IWS1: variants seen among roughly 807,000 people sequenced by gnomAD.
IWS1 encodes the protein interacts with SUPT6H, CTD assembly factor 1.
Under a neutral mutation model 86.7 loss-of-function variants are expected in IWS1, and 27 were observed. That is an observed-to-expected ratio of 0.31 (90% confidence interval 0.23 to 0.43). The LOEUF (loss-of-function observed/expected upper bound fraction) is 0.43, where lower values mean the gene tolerates loss of function less well. IWS1 is among the 20% of genes least tolerant of loss of function. The pLI is 1.00. For synonymous variants in IWS1, 313 were observed against 335.1 expected, an observed-to-expected ratio of 0.93 and a Z score of 0.72; for missense variants, 827 against 1,000.8, an observed-to-expected ratio of 0.83 and a Z score of 2.34.
At chr2:127,504,328 A>G (rs1302892437) in intron 3 of IWS1, among the ~76,000 whole-genome samples, 1 of 152,212 alleles carries the variant, frequency 6.6e-6, no homozygotes, top group East Asian at 1.9e-4. Flanking sequence ...CTAAGTGTCA[A>G]AGAGACCCAC....
intron 12 of IWS1, among the ~76,000 whole-genome samples, chr2:127,487,275 T>C (rs970181130): frequency 1.3e-5 from 2 of 152,214 alleles, no homozygotes; most frequent in African/African-American, 2.4e-5. Flanking sequence ...ACCAGGATAC[T>C]GATGTTGATA....
intron 2 of IWS1, among the ~76,000 whole-genome samples, chr2:127,522,836 TTATG>T (rs2104747470): frequency 6.6e-6 from 1 of 152,346 alleles, no homozygotes; most frequent in Non-Finnish European, 1.5e-5. Context: ...TCTGAAATAT[TTATG>T]TATTAGAGCA....
chr2:127,522,777 A>T (rs916186540), intron 2 of IWS1, among the ~76,000 whole-genome samples: 5 of 152,248 alleles, frequency 3.3e-5, no homozygotes, highest in African/African-American at 1.2e-4. Flanking sequence ...AAATTTCCCA[A>T]TTTTATCTTG....
At chr2:127,514,026 C>T (rs1033870670) in intron 2 of IWS1, among the ~76,000 whole-genome samples, 5 of 152,180 alleles carry the variant, frequency 3.3e-5, no homozygotes, top group Admixed American at 2.0e-4. Flanking sequence ...GGAATGAGAA[C>T]CTTTATTCCC....
At position 127,493,193 on chromosome 2, in the gene IWS1, T is replaced by C. The variant is rs953568828; in HGVS notation, c.1929+88A>G. 5 of 1,209,376 alleles carry C rather than the reference T, an allele frequency of 4.1e-6. No homozygotes were observed. The Admixed American group carries it at 1.1e-4, about 28-fold the overall frequency. The allele number at this position is 1,209,376 out of a possible 1,614,324, so 74.9% of individuals were successfully genotyped here. A position where few individuals can be genotyped will look rare whatever the true frequency, so the allele number is the denominator to read the frequency against. ...CTGGCAGGCTGTAGCAGAGATAACATATAAAAACACTGTAAACTACACAGG... is the reference window on the plus strand; with the variant it reads ...CTGGCAGGCTGTAGCAGAGATAACACATAAAAACACTGTAAACTACACAGG... On this transcript the variant is annotated intron_variant, in intron 9 of 13. Transcript: ENST00000295321.
chr2:127,491,395 C>T (rs1690218168), intron 10 of IWS1, among the ~76,000 whole-genome samples: 1 of 152,154 alleles, frequency 6.6e-6, no homozygotes, highest in Admixed American at 6.5e-5. Context: ...TAACCCCTCT[C>T]TTTCTCCATG....
chr2:127,520,464 G>A (rs1325641153), intron 2 of IWS1, among the ~76,000 whole-genome samples: 1 of 152,226 alleles, frequency 6.6e-6, no homozygotes, highest in Non-Finnish European at 1.5e-5. Context: ...ACCACGCCCG[G>A]CCTTTGCACT....
At chr2:127,496,282 C>T (rs1313984119) in intron 6 of IWS1, 134 bp from the exon 7 acceptor site, 2 of 935,578 alleles carry the variant, frequency 2.1e-6, no homozygotes, top group East Asian at 2.7e-5. Flanking sequence ...AGTGCAAATA[C>T]AGTCATGCGC....
Position 127,519,057 on chromosome 2 carries a change from T to G in IWS1, c.150+4619A>C, listed in dbSNP as rs531579848. On this transcript the variant is annotated intron_variant, in intron 2 of 13. Transcript: ENST00000295321. ...TTTTGATATTTTGTTCATTTTTTTT[T>G]GCATTCATTTTGAGTTTTAAAATAT... Among the ~76,000 whole-genome samples the G allele has an allele frequency of 2.0e-5, 3 of 152,308 alleles. No individual in the cohort carries two copies. The South Asian group carries it at 6.2e-4, about 32-fold the overall frequency.
chr2:127,519,884 T>C (rs963014576), intron 2 of IWS1, among the ~76,000 whole-genome samples: 2 of 152,188 alleles, frequency 1.3e-5, no homozygotes, highest in South Asian at 2.1e-4. Context: ...GAAGATGCTA[T>C]GCTGCTGGTT....
At position 127,508,885 on chromosome 2, in the gene IWS1, C is replaced by T. The variant is rs774564558; in HGVS notation, c.151-3133G>A. On this transcript the variant is annotated intron_variant, in intron 2 of 13. Transcript: ENST00000295321. ...GTCACTCCCAAAGAAGTGAGAGACA[C>T]TGGGCAGTCATCCAAAACTCACCCG... 1.4e-4 allele frequency among the ~76,000 whole-genome samples: 22 copies of T among 152,338 alleles called. No individual in the cohort carries two copies. In the Middle Eastern group the frequency reaches 0.017, roughly 118 times the overall value.
chr2:127,521,679 A>C (rs1692102965), intron 2 of IWS1, among the ~76,000 whole-genome samples: 1 of 152,240 alleles, frequency 6.6e-6, no homozygotes. Context: ...TACAGTGAAA[A>C]AACAGAACGG....
At chr2:127,514,560 G>A (rs1029509372) in intron 2 of IWS1, 1 of 152,388 alleles carries the variant, frequency 6.6e-6, no homozygotes, top group Admixed American at 6.5e-5. Context: ...AGTGGGAACT[G>A]AGCTGTGACA....
chr2:127,494,266 A>G (rs1181632033), intron 8 of IWS1, among the ~76,000 whole-genome samples: 2 of 119,618 alleles, frequency 1.7e-5, no homozygotes, highest in East Asian at 2.6e-4. Context: ...AAAAAAAAAA[A>G]GCAAATCAAT....
intron 2 of IWS1, among the ~76,000 whole-genome samples, chr2:127,520,495 ACT>A (rs1692037651): frequency 6.6e-6 from 1 of 152,034 alleles, no homozygotes; most frequent in Non-Finnish European, 1.5e-5. Context: ...ATGCAACCGT[ACT>A]CTTTTAACAT....
intron 5 of IWS1, among the ~76,000 whole-genome samples, chr2:127,500,838 CT>C (rs1473590708): frequency 2.0e-5 from 3 of 152,128 alleles, no homozygotes; most frequent in South Asian, 2.1e-4. Flanking sequence ...AGTTGTTCCA[CT>C]TTCCCCCCCT....
At chr2:127,521,627 A>G (rs1692100241) in intron 2 of IWS1, among the ~76,000 whole-genome samples, 1 of 152,218 alleles carries the variant, frequency 6.6e-6, no homozygotes, top group Admixed American at 6.5e-5. Flanking sequence ...CACAAAACCT[A>G]TTTTATAATA....
intron 13 of IWS1, chr2:127,482,642 A>G (rs1689692979): frequency 6.6e-6 from 1 of 152,438 alleles, no homozygotes; most frequent in South Asian, 2.1e-4. Context: ...GCCTACTCCC[A>G]GGACCCTCAC....
chr2:127,493,417 T>C lies in IWS1; in HGVS notation c.1800-7A>G. 2.5e-6 allele frequency: 4 copies of C among 1,588,722 alleles called. No individual in the cohort carries two copies. The highest frequency in any genetic ancestry group is 3.4e-6 in the Non-Finnish European group (4 of 1,172,580). The stretch of plus-strand genomic sequence containing the variant: ...TGTTTCTTTAAGGTCCTGCCTGCAG[T>C]AACAATAATTTTTAAAAATTCTGTG... On this transcript the variant is annotated splice_polypyrimidine_tract_variant and splice_region_variant and intron_variant, in intron 8 of 13. Coordinates refer to ENST00000295321, the MANE Select transcript of IWS1 (RefSeq NM_017969.3).
Sources: allele counts gnomAD v4.1 joint callset (sites outside exome capture counted in the v4.1 genomes callset), GRCh38; gene constraint gnomAD v4.1.1; transcripts MANE v1.5; gene names NCBI Gene and HGNC (gene_info 2026-07-23, HGNC 2026-07-21).